NFIB: variants seen among roughly 807,000 people sequenced by gnomAD.
NFIB encodes the protein nuclear factor I B, also known as nuclear factor 1 B-type.
Under a neutral mutation model 61.5 loss-of-function variants are expected in NFIB, and 11 were observed. That is an observed-to-expected ratio of 0.18 (90% CI 0.11 to 0.30). The LOEUF is 0.30. Ranked by LOEUF, NFIB falls within the 10% of genes least tolerant of loss-of-function variation. The probability of loss-of-function intolerance (pLI) is 1.00; values close to 1 mark genes in which losing one functional copy is unlikely to be tolerated. For missense variants in NFIB, 471 were observed against 608.9 expected, an observed-to-expected ratio of 0.77 and a Z score of 2.38; for synonymous variants, 260 against 216.5, an observed-to-expected ratio of 1.20 and a Z score of -1.76.
At chr9:14,479,206 A>T in the NFIB span, among the ~76,000 whole-genome samples, 1 of 152,188 alleles carries the variant, frequency 6.6e-6, no homozygotes, top group Non-Finnish European at 1.5e-5. Context: ...ACAGACAATC[A>T]CTGAGGAAAG....
chr9:14,290,569 A>T lies in NFIB; in HGVS notation c.562+16420T>A, dbSNP rs571415177. ...ACATAGTGAATAGTATAAAACAAAC[A>T]TTAAAACTCACAGCAAGATTCCAGA... is the stretch of plus-strand genomic sequence containing the variant. On this transcript the variant is annotated intron_variant, in intron 2 of 10. Coordinates refer to ENST00000380953, the MANE Select transcript of NFIB (RefSeq NM_001190737.2). 1.1e-4 allele frequency among the ~76,000 whole-genome samples: 17 copies of T among 152,240 alleles called. No individual in the cohort carries two copies. In the South Asian group the frequency reaches 3.3e-3, roughly 30 times the overall value.
chr9:14,187,561 A>C (rs1198310680), intron 2 of NFIB, among the ~76,000 whole-genome samples: 2 of 152,322 alleles, frequency 1.3e-5, no homozygotes, highest in Non-Finnish European at 1.5e-5. Flanking sequence ...AGAACAAGAG[A>C]GTAGATATAC....
intron 2 of NFIB, among the ~76,000 whole-genome samples, chr9:14,239,537 A>T (rs931620095): frequency 1.3e-5 from 2 of 152,158 alleles, no homozygotes; most frequent in Admixed American, 1.3e-4. Flanking sequence ...ATTATCTATG[A>T]AGGAAAACAG....
intron 10 of NFIB, among the ~76,000 whole-genome samples, chr9:14,100,134 A>T (rs901255523): frequency 3.9e-5 from 6 of 152,200 alleles, no homozygotes; most frequent in African/African-American, 1.4e-4. Context: ...TAGGATCATT[A>T]AGACCATTCT....
At chr9:14,112,331 A>C (rs2037501775) in intron 10 of NFIB, among the ~76,000 whole-genome samples, 1 of 152,202 alleles carries the variant, frequency 6.6e-6, no homozygotes, top group African/African-American at 2.4e-5. Context: ...TTTATAAGCC[A>C]CCATTAATCC....
chr9:14,113,455 T>C (rs1160553766), intron 9 of NFIB, among the ~76,000 whole-genome samples: 2 of 152,154 alleles, frequency 1.3e-5, no homozygotes, highest in Admixed American at 1.3e-4. Context: ...TAATCAATGA[T>C]GGTATATGAT....
At chr9:14,406,779 C>G in the NFIB span, among the ~76,000 whole-genome samples, 1 of 152,176 alleles carries the variant, frequency 6.6e-6, no homozygotes, top group Non-Finnish European at 1.5e-5. Context: ...TTCCCCTCAT[C>G]TGGTGACAGA....
intron 10 of NFIB, among the ~76,000 whole-genome samples, chr9:14,091,214 AG>A (rs2033850445): frequency 6.6e-6 from 1 of 151,960 alleles, no homozygotes; most frequent in Admixed American, 6.6e-5. Context: ...CAGAACTATA[AG>A]GCACAGACAT....
intron 1 of NFIB, among the ~76,000 whole-genome samples, chr9:14,360,701 C>T (rs1049201443): frequency 2.6e-5 from 4 of 152,000 alleles, no homozygotes; most frequent in African/African-American, 7.2e-5. Context: ...CCCGCCAATA[C>T]GCCCGGCTAA....
chr9:14,361,065 AT>A (rs1488402827), intron 1 of NFIB, among the ~76,000 whole-genome samples: 2 of 152,210 alleles, frequency 1.3e-5, no homozygotes, highest in South Asian at 2.1e-4. Context: ...GGTTTAAGAG[AT>A]TTCAAATTAA....
the NFIB span, among the ~76,000 whole-genome samples, chr9:14,519,288 T>C: frequency 6.6e-6 from 1 of 152,176 alleles, no homozygotes; most frequent in Non-Finnish European, 1.5e-5. Context: ...AGAGGAAATA[T>C]AATGCTAAGT....
At chr9:14,456,716 G>A in the NFIB span, among the ~76,000 whole-genome samples, 2 of 152,104 alleles carry the variant, frequency 1.3e-5, no homozygotes, top group East Asian at 3.9e-4. Flanking sequence ...ACATTATGTT[G>A]GCAAATGGAA....
At chr9:14,443,395 C>T in the NFIB span, among the ~76,000 whole-genome samples, 2 of 152,188 alleles carry the variant, frequency 1.3e-5, no homozygotes, top group African/African-American at 4.8e-5. Context: ...CTGACTGTCT[C>T]ATAGGCATCT....
the NFIB span, among the ~76,000 whole-genome samples, chr9:14,428,452 C>T: frequency 6.6e-6 from 1 of 152,106 alleles, no homozygotes; most frequent in Admixed American, 6.5e-5. Context: ...ATCAAGTTCC[C>T]TTATGTTTTG....
the NFIB span, among the ~76,000 whole-genome samples, chr9:14,488,093 G>A: frequency 1.3e-5 from 2 of 152,158 alleles, no homozygotes; most frequent in African/African-American, 4.8e-5. Flanking sequence ...AATCACCTAG[G>A]CCAGGCACGG....
At chr9:14,218,990 G>C (rs1260660339) in intron 2 of NFIB, among the ~76,000 whole-genome samples, 1 of 152,088 alleles carries the variant, frequency 6.6e-6, no homozygotes, top group East Asian at 1.9e-4. Flanking sequence ...GCTTTAACTA[G>C]ATACCATTAA....
intron 6 of NFIB, among the ~76,000 whole-genome samples, chr9:14,129,961 G>A (rs1428557160): frequency 6.6e-6 from 1 of 152,156 alleles, no homozygotes; most frequent in Non-Finnish European, 1.5e-5. Context: ...AGAGAAACAA[G>A]TAGAGGCCAG....
At chr9:14,494,947 T>C in the NFIB span, among the ~76,000 whole-genome samples, 1 of 152,236 alleles carries the variant, frequency 6.6e-6, no homozygotes, top group Non-Finnish European at 1.5e-5. Context: ...TTTAGTTTTC[T>C]GTTTTCAAAT....
intron 2 of NFIB, among the ~76,000 whole-genome samples, chr9:14,208,293 AT>A (rs1052793290): frequency 1.3e-5 from 2 of 152,078 alleles, no homozygotes; most frequent in South Asian, 2.1e-4. Context: ...GGCAGTTTAG[AT>A]TTTTTTTCTT....
Sources: allele counts gnomAD v4.1 joint callset (sites outside exome capture counted in the v4.1 genomes callset), GRCh38; gene constraint gnomAD v4.1.1; transcripts MANE v1.5; gene names NCBI Gene and HGNC (gene_info 2026-07-23, HGNC 2026-07-21).